Variants in CDC42BPG observed in about 807,000 individuals in gnomAD.
CDC42BPG encodes serine/threonine-protein kinase MRCK gamma.
CDC42BPG carries 157 observed loss-of-function variants against 192.2 expected under a neutral mutation model. The ratio of observed to expected loss-of-function variants is 0.82; its 90% confidence interval spans 0.72 to 0.93. The LOEUF is 0.93. Among genes scored for constraint, CDC42BPG ranks in the 40% least tolerant of loss-of-function variants. The pLI is 0.00. For missense variants in CDC42BPG, 1,992 were observed against 2,122.1 expected, an observed-to-expected ratio of 0.94 and a Z score of 1.20; for synonymous variants, 981 against 918.5, an observed-to-expected ratio of 1.07 and a Z score of -1.23.
rs1270768101 is a variant in CDC42BPG at position 64,827,330 on chromosome 11, T to G, written c.4219A>C (p.Lys1407Gln). 8 of 1,613,956 alleles carry G rather than the reference T, an allele frequency of 5.0e-6. No homozygotes were observed. Among genetic ancestry groups the G allele is most frequent in the Non-Finnish European group, 6.8e-6 (8 of 1,179,978 alleles). Reference sequence around the variant, plus strand: ...GACACGCGGAAAAAGAAGCGGCGCTTGCTCTTGGTGCGGAACAGCTGGCGC... The same window carrying G: ...GACACGCGGAAAAAGAAGCGGCGCTGGCTCTTGGTGCGGAACAGCTGGCGC... ...SRRQLFRTKS[K>Q]RRFFFRVSEE... The change falls in exon 33 of 37, where the codon AAG becomes CAG. Residue 1407 changes from lysine (K) to glutamine (Q), a missense_variant. This residue lies in a region of CDC42BPG where 336 missense variants were observed against 277.9 expected (regional missense o/e 1.21). Coordinates refer to ENST00000342711, the MANE Select transcript of CDC42BPG (RefSeq NM_017525.3).
In CDC42BPG at chr11:64,829,732, C is replaced by T. The variant is rs768823517; in HGVS notation, c.3706G>A (p.Asp1236Asn). The T allele has an allele frequency of 6.8e-6, 11 of 1,608,728 alleles. No homozygotes were observed. Among genetic ancestry groups the T allele is most frequent in the Admixed American group, 3.4e-5 (2 of 59,520 alleles). The change falls in exon 30 of 37, where the codon GAC becomes AAC. Residue 1236 changes from aspartate (D) to asparagine (N), a missense_variant. By Grantham distance (23) the Asp-to-Asn change is conservative. This residue lies in a region of CDC42BPG where 1,656 missense variants were observed against 1,844.3 expected (regional missense o/e 0.90). Transcript: ENST00000342711. The part of the protein sequence containing the change: ...ATVQSLGLLG[D>N]RLCVGAAGGF... ...CCGGCGGCGCCCACACATAGCCGGT[C>T]GCCCAGCAGCCCCAGGCTCTGCACA...
intron 1 of CDC42BPG, among the ~76,000 whole-genome samples, chr11:64,843,341 T>C (rs979390223): frequency 6.6e-6 from 1 of 151,196 alleles, no homozygotes; most frequent in Non-Finnish European, 1.5e-5. Flanking sequence ...GTGGGTGTCA[T>C]GGGGGGGGTG....
chr11:64,835,957 G>A, intron 13 of CDC42BPG, 106 bp from the exon 14 acceptor site: 3 of 1,302,274 alleles, frequency 2.3e-6, no homozygotes, highest in Non-Finnish European at 3.2e-6. Flanking sequence ...ACATGAGGAG[G>A]CATGGACTCC....
chr11:64,833,918 T>C lies in CDC42BPG; in HGVS notation c.2466+7A>G. ...CTCCCCAACAAGCCCCTTGGCCTGGTCCTTACCTCTGAGCTCCGGAAGGAC... is the reference window on the plus strand; with the variant it reads ...CTCCCCAACAAGCCCCTTGGCCTGGCCCTTACCTCTGAGCTCCGGAAGGAC... On this transcript the variant is annotated splice_region_variant and intron_variant, in intron 21 of 36. Transcript: ENST00000342711. 1 of 1,614,162 alleles carries C rather than the reference T, an allele frequency of 6.2e-7. No individual in the cohort carries two copies. Among genetic ancestry groups the C allele is most frequent in the Non-Finnish European group, 8.5e-7 (1 of 1,180,034 alleles).
At chr11:64,828,932 C>G (rs952882352) in intron 30 of CDC42BPG, among the ~76,000 whole-genome samples, 1 of 152,132 alleles carries the variant, frequency 6.6e-6, no homozygotes, top group African/African-American at 2.4e-5. Flanking sequence ...CACCTGTAGT[C>G]CCAGCTACTA....
At chr11:64,826,147 C>A (rs1483928915) in intron 36 of CDC42BPG, among the ~76,000 whole-genome samples, 2 of 151,860 alleles carry the variant, frequency 1.3e-5, no homozygotes, top group Non-Finnish European at 2.9e-5. Context: ...CTGAGCCCTT[C>A]GCAGGTATCA....
intron 28 of CDC42BPG, 150 bp from the exon 29 acceptor site, chr11:64,830,406 C>T (rs750104171): frequency 2.8e-6 from 2 of 716,124 alleles, no homozygotes; most frequent in Non-Finnish European, 4.9e-6. Context: ...CCCTTCTCTC[C>T]CAGTCTGGAC....
At chr11:64,828,264 G>C (rs183070301) in intron 30 of CDC42BPG, among the ~76,000 whole-genome samples, 2 of 109,846 alleles carry the variant, frequency 1.8e-5, no homozygotes, top group East Asian at 5.4e-4. Context: ...GCATGCACCA[G>C]ACTGCCCCAC....
chr11:64,836,325 G>T, intron 12 of CDC42BPG, 29 bp from the exon 13 acceptor site: 1 of 1,608,512 alleles, frequency 6.2e-7, no homozygotes. Flanking sequence ...GAGCGGGGAA[G>T]GACAAGGCCC....
chr11:64,832,594 C>T lies in CDC42BPG; in HGVS notation c.3005+10G>A, dbSNP rs369347180. ...TAGTCCCTTGCCCCATGCCACTGCC[C>T]GGCACCTACCTCAGATCTAGGACCT... On this transcript the variant is annotated intron_variant, in intron 26 of 36. Coordinates refer to ENST00000342711, the MANE Select transcript of CDC42BPG (RefSeq NM_017525.3). The T allele has an allele frequency of 4.2e-5, 67 of 1,613,832 alleles. 1 individual carries two copies. The Middle Eastern group carries it at 4.9e-4, about 12-fold the overall frequency.
Position 64,829,625 on chromosome 11 carries a change from T to C in CDC42BPG, c.3813A>G (p.Pro1271=), listed in dbSNP as rs1307370820. 37 of 1,611,598 alleles carry C rather than the reference T, an allele frequency of 2.3e-5. No homozygotes were observed. The highest frequency in any genetic ancestry group is 3.0e-5 in the Non-Finnish European group (35 of 1,179,368). The part of the protein sequence containing the change: ...GAGLVPEELP[P]SRGGLGEALG... The stretch of plus-strand genomic sequence containing the variant: ...GTGCCTCACCCAGGCCCCCGCGGGA[T>C]GGTGGCAGCTCCTCAGGCACCAAAC... The change falls in exon 30 of 37, where the codon CCA becomes CCG. Residue 1271 remains proline, a synonymous_variant. Coordinates refer to ENST00000342711, the MANE Select transcript of CDC42BPG (RefSeq NM_017525.3).
chr11:64,824,742 C>CA (rs1942354452), intron 36 of CDC42BPG, among the ~76,000 whole-genome samples: 1 of 148,566 alleles, frequency 6.7e-6, no homozygotes, highest in Admixed American at 6.7e-5. Context: ...ACTCAAAGTC[C>CA]TTTTTTTTTT....
intron 30 of CDC42BPG, among the ~76,000 whole-genome samples, chr11:64,828,064 A>G (rs145127090): frequency 6.6e-6 from 1 of 152,278 alleles, no homozygotes; most frequent in East Asian, 1.9e-4. Context: ...AGATGAGGGA[A>G]TGGAACCCCT....
intron 33 of CDC42BPG, 36 bp from the exon 34 acceptor site, chr11:64,827,203 T>A: frequency 6.2e-7 from 1 of 1,612,484 alleles, no homozygotes; most frequent in South Asian, 1.1e-5. Flanking sequence ...GTGGCGAAGC[T>A]CCACCCTCCC....
At chr11:64,839,438 C>CCTGGTCCCA (rs142726755) in intron 6 of CDC42BPG, 40 bp downstream of exon 6, 339 of 1,583,008 alleles carry the variant, frequency 2.1e-4, no homozygotes, top group Non-Finnish European at 4.4e-5. Flanking sequence ...GCTTGGCCCG[C>CCTGGTCCCA]CTTGTATCCC....
At chr11:64,841,467 AT>A (rs1386975497) in intron 3 of CDC42BPG, among the ~76,000 whole-genome samples, 182 bp downstream of exon 3, 1 of 151,662 alleles carries the variant, frequency 6.6e-6, no homozygotes, top group African/African-American at 2.4e-5. Context: ...AAAAAAAAAA[AT>A]TTAAAAAATT....
chr11:64,838,511 T>G, intron 8 of CDC42BPG, 143 bp downstream of exon 8: 1 of 1,170,036 alleles, frequency 8.5e-7, no homozygotes, highest in Non-Finnish European at 1.2e-6. Flanking sequence ...CTGGAACGGG[T>G]CAGTCTGGGA....
At chr11:64,833,497 T>C in intron 23 of CDC42BPG, 103 bp downstream of exon 23, 6 of 1,188,980 alleles carry the variant, frequency 5.0e-6, no homozygotes, top group Non-Finnish European at 7.1e-6. Flanking sequence ...CCACCCCAAT[T>C]GTGCCTGCTA....
rs1592689618 is a variant in CDC42BPG at position 64,829,893 on chromosome 11, A to G, written c.3545T>C (p.Leu1182Pro). The G allele has an allele frequency of 1.2e-6, 2 of 1,608,900 alleles. No homozygotes were observed. Among genetic ancestry groups the G allele is most frequent in the Non-Finnish European group, 8.5e-7 (1 of 1,178,368 alleles). Residue 1182 changes from leucine (L) to proline (P), a missense_variant, in exon 30 of 37, where the codon CTG (leucine) becomes CCG (proline). Transcript: ENST00000342711. The stretch of plus-strand genomic sequence containing the variant: ...GGCCTGCAGGATGCTTCCAGCTGCC[A>G]GCACCTGGCAGCCTCGAGACTCGGG... ...KIPESRGCQV[L>P]AAGSILQART...
Sources: gnomAD v4.1 joint callset for allele counts (sites outside exome capture counted in the v4.1 genomes callset) on GRCh38, gnomAD v4.1.1 for gene constraint, gnomAD v4.1.1 regional missense constraint, MANE v1.5 for transcripts, NCBI Gene and HGNC (gene_info 2026-07-23, HGNC 2026-07-21) for gene names.